ITSN2: variants seen among roughly 807,000 people sequenced by gnomAD.
The protein encoded by ITSN2 is intersectin 2.
In ITSN2, 156 loss-of-function variants were observed where a neutral mutation model predicts 243.7. The observed-to-expected ratio is 0.64, with a 90% CI of 0.56 to 0.73. The LOEUF is 0.73. Ranked by LOEUF, ITSN2 falls within the 30% of genes least tolerant of loss-of-function variation. The pLI is 0.00. For missense variants in ITSN2, 1,801 were observed against 1,996.1 expected (o/e 0.90, Z 1.86); for synonymous variants, 703 against 699.9 (o/e 1.00, Z -0.07).
chr2:24,209,245 C>T, intron 35 of ITSN2, 24 bp from the exon 36 acceptor site: 1 of 1,613,178 alleles, frequency 6.2e-7, no homozygotes, highest in Non-Finnish European at 8.5e-7. Context: ...GGCCAAAACA[C>T]AGGCTGTGAG....
At position 24,211,378 on chromosome 2, in the gene ITSN2, AAAAT is replaced by A. The variant is rs1456819840; in HGVS notation, c.4090-435_4090-432del. On this transcript the variant is annotated intron_variant, in intron 33 of 39. Coordinates refer to ENST00000355123, the MANE Select transcript of ITSN2 (RefSeq NM_006277.3). The surrounding 1 kb of genome is among the most constrained non-coding windows in gnomAD (Gnocchi z 4.1). ...TTTGGGGTCACTGATCCTTTTGAAA[AAAAT>A]CTGATGAAAGCAATGACTCCCATGC... 6.6e-6 allele frequency among the ~76,000 whole-genome samples: 1 copy of A among 152,258 alleles called. No individual in the cohort carries two copies. The highest frequency in any genetic ancestry group is 2.4e-5 in the African/African-American group (1 of 41,470).
Position 24,271,832 on chromosome 2 carries a change from C to T in ITSN2, c.2191G>A (p.Glu731Lys). The change falls in exon 19 of 40, where the codon GAG (glutamate) becomes AAG (lysine). Residue 731 changes from glutamate to lysine, a missense_variant. Around this residue, in one of 5 missense-constraint regions of ITSN2, gnomAD observed 787 missense variants for 803.9 expected, o/e 0.98. Transcript: ENST00000355123. ...EEKTQEKIQEEERKAEEKQRK... is the reference protein window; with the variant it reads ...EEKTQEKIQEKERKAEEKQRK... ...TGTTTCTCCTCAGCTTTCCGTTCCT[C>T]TTCTTGAATTTTTTCTTGTGTTTTT... The T allele has an allele frequency of 6.2e-7, 1 of 1,610,378 alleles. No individual in the cohort carries two copies. Among genetic ancestry groups the T allele is most frequent in the Admixed American group, 1.7e-5 (1 of 59,420 alleles).
chr2:24,250,955 C>T (rs1367082235), intron 25 of ITSN2, among the ~76,000 whole-genome samples: 1 of 151,444 alleles, frequency 6.6e-6, no homozygotes, highest in African/African-American at 2.4e-5. Flanking sequence ...TTTGGGAGGC[C>T]AAGGCAGGTG....
chr2:24,270,644 T>C, intron 20 of ITSN2, 27 bp downstream of exon 20: 1 of 1,113,516 alleles, frequency 9.0e-7, no homozygotes. Context: ...AGGTTATTCA[T>C]GATTAAAAAA....
In ITSN2 at chr2:24,310,417, T is replaced by C. The variant is rs772956987; in HGVS notation, c.557-37A>G. 4 of 1,607,904 alleles carry C rather than the reference T, an allele frequency of 2.5e-6. No homozygotes were observed. The Admixed American group carries it at 5.0e-5, about 20-fold the overall frequency. On this transcript the variant is annotated intron_variant, in intron 6 of 39. Coordinates refer to ENST00000355123, the MANE Select transcript of ITSN2 (RefSeq NM_006277.3). ...AAAGAAGGAAAAGTATGAAAGAAAT[T>C]TGTATCTGTTCAAACACAAATAGTT... is the stretch of plus-strand genomic sequence containing the variant.
chr2:24,336,204 T>C (rs1686355974), intron 1 of ITSN2, among the ~76,000 whole-genome samples: 1 of 142,606 alleles, frequency 7.0e-6, no homozygotes, highest in Non-Finnish European at 1.5e-5. Context: ...ATGGAGCCAC[T>C]GCACTCCAGC....
At position 24,246,118 on chromosome 2, in the gene ITSN2, A is replaced by T. The variant is rs754120256; in HGVS notation, c.3577+11T>A. 1 of 1,588,448 alleles carries T rather than the reference A, an allele frequency of 6.3e-7. No individual in the cohort carries two copies. The highest frequency in any genetic ancestry group is 8.6e-7 in the Non-Finnish European group (1 of 1,161,952). Reference sequence around the variant, plus strand: ...CACTAGGTGAGAGAAAAATAATTTAATATTACTCACACTGTTGACTTGGAT... The same window carrying T: ...CACTAGGTGAGAGAAAAATAATTTATTATTACTCACACTGTTGACTTGGAT... On this transcript the variant is annotated intron_variant, in intron 29 of 39. Coordinates refer to ENST00000355123, the MANE Select transcript of ITSN2 (RefSeq NM_006277.3).
At chr2:24,339,055 G>A (rs1161302793) in intron 1 of ITSN2, among the ~76,000 whole-genome samples, 1 of 152,120 alleles carries the variant, frequency 6.6e-6, no homozygotes, top group African/African-American at 2.4e-5. Flanking sequence ...ATAAAGAAAG[G>A]AAGTTTCTGA....
chr2:24,270,743 A>G lies in ITSN2; in HGVS notation c.2283T>C (p.Asn761=). 6.3e-7 allele frequency: 1 copy of G among 1,595,016 alleles called. No homozygotes were observed. Among genetic ancestry groups the G allele is most frequent in the African/African-American group, 1.3e-5 (1 of 74,436 alleles). ...KKRETASVLV[N]YRALYPFEAR... Reference sequence around the variant, plus strand: ...CTTCAAAGGGGTATAATGCTCTATAATTCACCAAAACACTAGCTGTCTCAC... The same window carrying G: ...CTTCAAAGGGGTATAATGCTCTATAGTTCACCAAAACACTAGCTGTCTCAC... Residue 761 remains asparagine (N), a synonymous_variant, in exon 20 of 40, where the codon AAT becomes AAC. Transcript: ENST00000355123.
intron 38 of ITSN2, 71 bp downstream of exon 38, chr2:24,205,118 GCCTAGGTTATACACTGAGACTCTGT>G: frequency 1.0e-6 from 1 of 998,190 alleles, no homozygotes; most frequent in South Asian, 1.3e-5. Flanking sequence ...CTGCACTCCA[GCCTAGGTTATACACTGAGACTCTGT>G]CTCAAAAAGT....
intron 29 of ITSN2, among the ~76,000 whole-genome samples, chr2:24,244,541 A>G (rs1673114318): frequency 6.6e-6 from 1 of 152,220 alleles, no homozygotes; most frequent in South Asian, 2.1e-4. Context: ...ACACACCGGC[A>G]TGCCTTCAGG....
chr2:24,308,677 T>C lies in ITSN2; in HGVS notation c.733A>G (p.Arg245Gly). The C allele has an allele frequency of 6.5e-7, 1 of 1,536,482 alleles. No individual in the cohort carries two copies. Residue 245 changes from arginine (R) to glycine (G), a missense_variant, in exon 8 of 40, where the codon AGA (arginine) becomes GGA (glycine). Coordinates refer to ENST00000355123, the MANE Select transcript of ITSN2 (RefSeq NM_006277.3). The stretch of plus-strand genomic sequence containing the variant: ...TTAAATTTTTGCCGATATTTTAATC[T>C]TGTAGGCTGAGGAACTGCCCACTCT... ...TSEWAVPQPT[R>G]LKYRQKFNTL... is the part of the protein sequence containing the mutation.
Position 24,220,897 on chromosome 2 carries a change from T to G in ITSN2, c.3699+48A>C, listed in dbSNP as rs569016022. On this transcript the variant is annotated intron_variant, in intron 30 of 39. Transcript: ENST00000355123. ...TGAGTCTGATGCCCACCATCTCTCA[T>G]GAGAGACAGCAGATACCCCGAGAGC... The G allele has an allele frequency of 2.9e-5, 45 of 1,547,694 alleles. No individual in the cohort carries two copies. In the Middle Eastern group the frequency reaches 1.4e-3, roughly 47 times the overall value.
At chr2:24,299,579 A>G (rs1681464290) in intron 12 of ITSN2, among the ~76,000 whole-genome samples, 1 of 152,092 alleles carries the variant, frequency 6.6e-6, no homozygotes, top group South Asian at 2.1e-4. Flanking sequence ...TGGATCTTAA[A>G]CTTGCTTTCG....
chr2:24,299,086 G>GT (rs1451621925), intron 12 of ITSN2, among the ~76,000 whole-genome samples: 6 of 144,342 alleles, frequency 4.2e-5, no homozygotes, highest in Non-Finnish European at 7.5e-5. Context: ...CTGGAGTGCA[G>GT]TGGCACCACC....
At position 24,310,634 on chromosome 2, in the gene ITSN2, T is replaced by C; in HGVS notation, c.411A>G (p.Ile137Met). 1 of 1,614,066 alleles carries C rather than the reference T, an allele frequency of 6.2e-7. No individual in the cohort carries two copies. The highest frequency in any genetic ancestry group is 8.5e-7 in the Non-Finnish European group (1 of 1,180,008). The change falls in exon 6 of 40, where the codon ATA (isoleucine) becomes ATG (methionine). Residue 137 changes from isoleucine (I) to methionine (M), a missense_variant. Physicochemically the swap from Ile to Met is conservative, Grantham distance 10. This residue lies in a region of ITSN2 where 787 missense variants were observed against 803.9 expected (regional missense o/e 0.98). Transcript: ENST00000355123. Reference sequence around the variant, plus strand: ...CTGAAGTCGCAGAAGACAATGATGTTATAGGTGCAGCTGGAGGCAATGGCT... The same window carrying C: ...CTGAAGTCGCAGAAGACAATGATGTCATAGGTGCAGCTGGAGGCAATGGCT... Reference protein sequence around the residue: ...IPQPLPPAAPITSLSSATSGT... With the variant: ...IPQPLPPAAPMTSLSSATSGT...
At position 24,246,138 on chromosome 2, in the gene ITSN2, T is replaced by C; in HGVS notation, c.3568A>G (p.Ser1190Gly). ...ATTTAATATTACTCACACTGTTGACTTGGATCTGAGTCTGTCGTCATCTTA... is the reference window on the plus strand; with the variant it reads ...ATTTAATATTACTCACACTGTTGACCTGGATCTGAGTCTGTCGTCATCTTA... ...YVKMTTDSDP[S>G]QQWCADLQTL... The change falls in exon 29 of 40, where the codon AGT becomes GGT. Residue 1190 changes from serine (S) to glycine (G), a missense_variant. Around this residue, in one of 5 missense-constraint regions of ITSN2, gnomAD observed 928 missense variants for 1,065.4 expected, o/e 0.87. Transcript: ENST00000355123. The C allele has an allele frequency of 1.2e-6, 2 of 1,610,242 alleles. No individual in the cohort carries two copies. Among genetic ancestry groups the C allele is most frequent in the Non-Finnish European group, 1.7e-6 (2 of 1,177,654 alleles).
intron 24 of ITSN2, 149 bp downstream of exon 24, chr2:24,254,218 G>T: frequency 1.8e-6 from 1 of 545,654 alleles, no homozygotes. Flanking sequence ...AATAGATAGG[G>T]GCAGGTTTTC....
At chr2:24,305,804 A>ATT (rs1455148384) in intron 8 of ITSN2, among the ~76,000 whole-genome samples, 1 of 152,138 alleles carries the variant, frequency 6.6e-6, no homozygotes, top group Non-Finnish European at 1.5e-5. Context: ...AAAAAACACC[A>ATT]TAATACACAA....
Sources: gnomAD v4.1 joint callset for allele counts (sites outside exome capture counted in the v4.1 genomes callset) on GRCh38, gnomAD v4.1.1 for gene constraint, gnomAD v4.1.1 regional missense constraint, Gnocchi (gnomAD v3.1) non-coding constraint, MANE v1.5 for transcripts, NCBI Gene and HGNC (gene_info 2026-07-23, HGNC 2026-07-21) for gene names.